CCDC148: variants seen among roughly 807,000 people sequenced by gnomAD.
CCDC148 encodes coiled-coil domain containing 148, also known as coiled-coil domain-containing protein 148.
CCDC148 carries 89 observed loss-of-function variants against 85.7 expected under a neutral mutation model. The observed-to-expected ratio is 1.04, with a 90% CI of 0.87 to 1.24. The LOEUF (loss-of-function observed/expected upper bound fraction) is 1.24. Among genes scored for constraint, CCDC148 ranks in the 50% most tolerant of loss-of-function variants. CCDC148 has a pLI of 0.00. For missense variants in CCDC148, 692 were observed against 671.7 expected (o/e 1.03, Z -0.33); for synonymous variants, 230 against 213.9 (o/e 1.08, Z -0.66).
Position 158,449,710 on chromosome 2 carries a change from A to G in CCDC148, c.25+6705T>C, listed in dbSNP as rs568917921. Among the ~76,000 whole-genome samples, 200 of 152,266 alleles carry G rather than the reference A, an allele frequency of 1.3e-3. 1 individual carries two copies. Among genetic ancestry groups the G allele is most frequent in the African/African-American group, 4.7e-3 (196 of 41,550 alleles). ...GTGATCTGCCTGCCTTGGCCTCCCA[A>G]AGTGCTGGGATTATAGGCATGAGCC... On this transcript the variant is annotated intron_variant, in intron 1 of 13. Transcript: ENST00000283233.
In CCDC148 at chr2:158,220,656, G is replaced by A. The variant is rs749668216; in HGVS notation, c.1309C>T (p.Leu437Phe). 2 of 1,597,804 alleles carry A rather than the reference G, an allele frequency of 1.3e-6. No homozygotes were observed. The highest frequency in any genetic ancestry group is 3.6e-5 in the Admixed American group (2 of 55,344). ...QKWQEMEMRD[L>F]QRLEELKKLI... ...TTCTTCAGTTCTTCTAGACGCTGAA[G>A]ATCTCTCATTTCCATTTCTTGCCAC... is the stretch of plus-strand genomic sequence containing the variant. The change falls in exon 11 of 14, where the codon CTT (leucine) becomes TTT (phenylalanine). Residue 437 changes from leucine to phenylalanine, a missense_variant. Physicochemically the swap from Leu to Phe is conservative, Grantham distance 22. Coordinates refer to ENST00000283233, the MANE Select transcript of CCDC148 (RefSeq NM_138803.4).
chr2:158,229,286 T>C (rs2204087), intron 10 of CCDC148, among the ~76,000 whole-genome samples: 104,902 of 152,078 alleles, frequency 0.69, 36,859 homozygotes, highest in East Asian at 0.9. Context: ...TTATATAATG[T>C]TATTTCCCTA....
At chr2:158,240,342 T>A (rs1688294717) in intron 10 of CCDC148, among the ~76,000 whole-genome samples, 1 of 152,006 alleles carries the variant, frequency 6.6e-6, no homozygotes, top group Non-Finnish European at 1.5e-5. Flanking sequence ...TGTTCACATT[T>A]CAGGTGGCCC....
chr2:158,254,973 G>A (rs1352666595), intron 9 of CCDC148, among the ~76,000 whole-genome samples: 2 of 128,046 alleles, frequency 1.6e-5, no homozygotes, highest in Non-Finnish European at 1.6e-5. Context: ...TCTAAATGAT[G>A]CTTCTTTTCT....
rs371496829 is a variant in CCDC148 at position 158,229,541 on chromosome 2, C to G, written c.1252-8828G>C. 2.4e-3 allele frequency among the ~76,000 whole-genome samples: 373 copies of G among 152,292 alleles called. 17 individuals are homozygous for G. In the South Asian group the frequency reaches 0.075, roughly 30 times the overall value. On this transcript the variant is annotated intron_variant, in intron 10 of 13. Coordinates refer to ENST00000283233, the MANE Select transcript of CCDC148 (RefSeq NM_138803.4). ...CCTCTCAGTTTCTCATAGTGATATT[C>G]TAAAACCTGTTCACTATGTTCAGCT...
At chr2:158,252,162 A>G (rs76901378) in intron 9 of CCDC148, among the ~76,000 whole-genome samples, 11,893 of 151,878 alleles carry the variant, frequency 0.078, 640 homozygotes, top group Admixed American at 0.15. Context: ...GGTAATATAT[A>G]TGATGAAAAT....
intron 1 of CCDC148, among the ~76,000 whole-genome samples, chr2:158,391,689 T>A (rs1018712712): frequency 4.6e-5 from 7 of 152,168 alleles, no homozygotes; most frequent in African/African-American, 1.7e-4. Context: ...TGTTGCAATA[T>A]CATGACATGA....
At chr2:158,180,313 A>G (rs572144745) in intron 11 of CCDC148, among the ~76,000 whole-genome samples, 1 of 152,300 alleles carries the variant, frequency 6.6e-6, no homozygotes, top group Non-Finnish European at 1.5e-5. Flanking sequence ...CCTCACAACA[A>G]TCACATGCTG....
chr2:158,278,946 T>A (rs975715477), intron 9 of CCDC148, among the ~76,000 whole-genome samples: 2 of 152,070 alleles, frequency 1.3e-5, no homozygotes, highest in African/African-American at 4.8e-5. Flanking sequence ...AGAGGAACGA[T>A]CACACAGCAG....
At chr2:158,411,835 G>A (rs756153437) in intron 1 of CCDC148, among the ~76,000 whole-genome samples, 1 of 152,112 alleles carries the variant, frequency 6.6e-6, no homozygotes, top group Non-Finnish European at 1.5e-5. Context: ...GCTTTGGTGG[G>A]GAGAGACCTT....
At chr2:158,308,948 A>T (rs1691830278) in intron 9 of CCDC148, among the ~76,000 whole-genome samples, 1 of 152,182 alleles carries the variant, frequency 6.6e-6, no homozygotes, top group African/African-American at 2.4e-5. Flanking sequence ...GGAGGAGGAA[A>T]ACCCCATCCA....
rs935108488 is a variant in CCDC148, at chr2:158,171,096, C to T, written c.*1017G>A. On this transcript the variant is annotated 3_prime_UTR_variant, in exon 14 of 14. Coordinates refer to ENST00000283233, the MANE Select transcript of CCDC148 (RefSeq NM_138803.4). The stretch of plus-strand genomic sequence containing the variant: ...AATCTTTTGTGAAGATTTATTCTAA[C>T]GGGACTGTACTTGTATTTTTTATTT... The T allele has an allele frequency of 4.0e-5, 6 of 151,736 alleles. No homozygotes were observed. The highest frequency in any genetic ancestry group is 1.9e-4 in the East Asian group (1 of 5,158). The allele number at this position is 151,736 out of a possible 1,614,324, so 9.4% of individuals were successfully genotyped here.
At chr2:158,433,681 C>T (rs1401387504) in intron 1 of CCDC148, among the ~76,000 whole-genome samples, 1 of 152,168 alleles carries the variant, frequency 6.6e-6, no homozygotes, top group African/African-American at 2.4e-5. Context: ...GGTGCATCGC[C>T]TCACCCAGGA....
intron 10 of CCDC148, among the ~76,000 whole-genome samples, chr2:158,238,430 A>G (rs1688207314): frequency 6.6e-6 from 1 of 152,070 alleles, no homozygotes. Context: ...GTGAAATATG[A>G]TGTCAGTAGG....
intron 1 of CCDC148, among the ~76,000 whole-genome samples, chr2:158,371,883 G>C (rs186339478): frequency 6.6e-5 from 10 of 151,878 alleles, no homozygotes; most frequent in Non-Finnish European, 1.3e-4. Flanking sequence ...TTATGAACCA[G>C]TTCCACATAT....
intron 13 of CCDC148, among the ~76,000 whole-genome samples, chr2:158,175,876 A>C (rs997554895): frequency 1.3e-5 from 2 of 151,980 alleles, no homozygotes; most frequent in Non-Finnish European, 2.9e-5. Context: ...CCACCCATCC[A>C]TCCATCCATC....
At chr2:158,237,358 G>A (rs372497189) in intron 10 of CCDC148, among the ~76,000 whole-genome samples, 3 of 152,110 alleles carry the variant, frequency 2.0e-5, no homozygotes, top group African/African-American at 4.8e-5. Flanking sequence ...TAGAATGATC[G>A]GTCTGCCTAC....
At chr2:158,274,745 T>C (rs1236809273) in intron 9 of CCDC148, among the ~76,000 whole-genome samples, 1 of 152,188 alleles carries the variant, frequency 6.6e-6, no homozygotes, top group Non-Finnish European at 1.5e-5. Context: ...GAAAGTAACA[T>C]GGTCAGATTT....
intron 7 of CCDC148, among the ~76,000 whole-genome samples, chr2:158,333,861 A>G (rs920718459): frequency 6.6e-6 from 1 of 152,096 alleles, no homozygotes; most frequent in Admixed American, 6.6e-5. Flanking sequence ...GGGTAGTATC[A>G]GTCCTCCAAC....
Sources: gnomAD v4.1 joint callset for allele counts (sites outside exome capture counted in the v4.1 genomes callset) on GRCh38, gnomAD v4.1.1 for gene constraint, MANE v1.5 for transcripts, NCBI Gene and HGNC (gene_info 2026-07-23, HGNC 2026-07-21) for gene names.